Variants in ITPR2 observed in about 807,000 individuals in gnomAD.
The protein encoded by ITPR2 is inositol 1,4,5-trisphosphate receptor type 2, also known as inositol 1,4,5-trisphosphate-gated calcium channel ITPR2.
A neutral mutation model predicts 317.1 loss-of-function variants in ITPR2; 207 were observed. That is an observed-to-expected ratio of 0.65 (90% CI 0.58 to 0.73). The LOEUF is 0.73. Ranked by LOEUF, ITPR2 falls within the 30% of genes least tolerant of loss-of-function variation. The probability of loss-of-function intolerance (pLI) is 0.00; values close to 1 mark genes in which losing one functional copy is unlikely to be tolerated. For synonymous variants in ITPR2, 1,156 were observed against 1,149.1 expected (o/e 1.01, Z -0.12); for missense variants, 2,613 against 3,284.0 (o/e 0.80, Z 4.99).
At chr12:26,458,093 T>C (rs1420584915) in intron 45 of ITPR2, among the ~76,000 whole-genome samples, 5 of 152,196 alleles carry the variant, frequency 3.3e-5, no homozygotes, top group African/African-American at 1.2e-4. Flanking sequence ...CCTTTCAGTA[T>C]AATTAATCAT....
At chr12:26,587,922 CA>C (rs561535586) in intron 32 of ITPR2, among the ~76,000 whole-genome samples, 32 of 152,236 alleles carry the variant, frequency 2.1e-4, no homozygotes, top group Middle Eastern at 3.4e-3. Flanking sequence ...CAGGAGTAGT[CA>C]AATTTGGAAT....
intron 5 of ITPR2, among the ~76,000 whole-genome samples, chr12:26,719,917 C>T (rs796641116): frequency 6.6e-6 from 1 of 151,920 alleles, no homozygotes; most frequent in African/African-American, 2.4e-5. Context: ...AAGTAAAGAA[C>T]CCAAGTTTTC....
intron 15 of ITPR2, among the ~76,000 whole-genome samples, chr12:26,662,060 C>T (rs1274502339): frequency 6.6e-6 from 1 of 152,170 alleles, no homozygotes; most frequent in African/African-American, 2.4e-5. Flanking sequence ...TATATCACCC[C>T]TAGCTCTTAC....
At chr12:26,416,122 A>G (rs1940713144) in intron 50 of ITPR2, among the ~76,000 whole-genome samples, 1 of 152,204 alleles carries the variant, frequency 6.6e-6, no homozygotes, top group African/African-American at 2.4e-5. Context: ...ACTTTAGTAT[A>G]TACTTTTGGA....
chr12:26,711,447 TTA>T (rs1355898350), intron 8 of ITPR2, among the ~76,000 whole-genome samples, 179 bp from the exon 9 acceptor site: 1 of 152,220 alleles, frequency 6.6e-6, no homozygotes, highest in African/African-American at 2.4e-5. Flanking sequence ...AAGAGAAATG[TTA>T]TAACAGTTGT....
chr12:26,822,305 G>T (rs933396632), intron 1 of ITPR2, among the ~76,000 whole-genome samples: 2 of 152,078 alleles, frequency 1.3e-5, no homozygotes, highest in African/African-American at 4.8e-5. Context: ...TTCAGATTAT[G>T]CATTGTTCAC....
chr12:26,734,802 A>G (rs2137069371), intron 2 of ITPR2, among the ~76,000 whole-genome samples: 1 of 152,298 alleles, frequency 6.6e-6, no homozygotes, highest in South Asian at 2.1e-4. Flanking sequence ...CTCCGTAAGC[A>G]GAGATTTATT....
At chr12:26,787,578 A>G (rs375191471) in intron 2 of ITPR2, among the ~76,000 whole-genome samples, 3 of 152,368 alleles carry the variant, frequency 2.0e-5, no homozygotes, top group East Asian at 3.9e-4. Flanking sequence ...GAAAGAGGGA[A>G]AGAGGAAAGG....
chr12:26,780,572 T>C (rs1313480255), intron 2 of ITPR2, among the ~76,000 whole-genome samples: 1 of 152,168 alleles, frequency 6.6e-6, no homozygotes, highest in Non-Finnish European at 1.5e-5. Context: ...GACAGAACAG[T>C]GGAATGGCCT....
chr12:26,383,729 C>T lies in ITPR2; in HGVS notation c.7857+3705G>A, dbSNP rs191557915. ...GCCAGGATGGTCTCAATCTCCTGACCTCATGATCTTCCCGCCTCAGTCTCC... is the reference window on the plus strand; with the variant it reads ...GCCAGGATGGTCTCAATCTCCTGACTTCATGATCTTCCCGCCTCAGTCTCC... On this transcript the variant is annotated intron_variant, in intron 55 of 56. Transcript: ENST00000381340. Among the ~76,000 whole-genome samples, 824 of 151,528 alleles carry T rather than the reference C, an allele frequency of 5.4e-3. 10 individuals are homozygous for T. Among genetic ancestry groups the T allele is most frequent in the African/African-American group, 0.019 (782 of 41,252 alleles).
chr12:26,533,560 T>C (rs181576545), intron 37 of ITPR2, among the ~76,000 whole-genome samples: 13 of 152,326 alleles, frequency 8.5e-5, no homozygotes, highest in African/African-American at 3.1e-4. Context: ...AATATAACCA[T>C]ATTCAGAAAT....
At chr12:26,485,973 G>A in intron 41 of ITPR2, 131 bp downstream of exon 41, 1 of 966,488 alleles carries the variant, frequency 1.0e-6, no homozygotes, top group Non-Finnish European at 1.6e-6. Context: ...TCCCATTTCA[G>A]AGGAGCACTA....
In ITPR2 at chr12:26,828,342, T is replaced by C. The variant is rs568813103; in HGVS notation, c.92+4348A>G. On this transcript the variant is annotated intron_variant, in intron 1 of 56. Coordinates refer to ENST00000381340, the MANE Select transcript of ITPR2 (RefSeq NM_002223.4). ...TGCAAAATAAAATATCTACCAATTG[T>C]ACTCCGAGGTAAAAAATAGGGAGTG... 5.9e-5 allele frequency among the ~76,000 whole-genome samples: 9 copies of C among 152,320 alleles called. No homozygotes were observed. In the East Asian group the frequency reaches 1.7e-3, roughly 29 times the overall value.
chr12:26,537,182 T>C (rs1490903158), intron 37 of ITPR2, among the ~76,000 whole-genome samples: 2 of 152,014 alleles, frequency 1.3e-5, no homozygotes, highest in Non-Finnish European at 2.9e-5. Context: ...ATAGGAAGGG[T>C]TTGGTCTGTA....
chr12:26,806,931 TA>T (rs1950647429), intron 1 of ITPR2, among the ~76,000 whole-genome samples: 1 of 152,222 alleles, frequency 6.6e-6, no homozygotes, highest in African/African-American at 2.4e-5. Context: ...ATTTCACAAA[TA>T]TTATACAAAG....
intron 49 of ITPR2, among the ~76,000 whole-genome samples, chr12:26,426,707 G>T (rs879407842): frequency 9.2e-5 from 14 of 151,856 alleles, no homozygotes; most frequent in Middle Eastern, 3.2e-3. Context: ...TCTAATTTTC[G>T]AAGAATTGTA....
chr12:26,514,467 T>C (rs1200537213), intron 37 of ITPR2, among the ~76,000 whole-genome samples: 2 of 152,238 alleles, frequency 1.3e-5, no homozygotes, highest in African/African-American at 4.8e-5. Context: ...CAAGAAGTGA[T>C]GATAATTATT....
At chr12:26,599,084 A>G in intron 30 of ITPR2, 61 bp downstream of exon 30, 1 of 1,452,578 alleles carries the variant, frequency 6.9e-7, no homozygotes, top group Non-Finnish European at 9.7e-7. Flanking sequence ...ACTGTAATAG[A>G]AAATGCATAT....
intron 13 of ITPR2, among the ~76,000 whole-genome samples, chr12:26,679,682 T>C (rs1177445919): frequency 6.6e-6 from 1 of 152,196 alleles, no homozygotes; most frequent in African/African-American, 2.4e-5. Flanking sequence ...GTTTTCTTTT[T>C]TATTTTTATT....
Sources: gnomAD v4.1 joint callset for allele counts (sites outside exome capture counted in the v4.1 genomes callset) on GRCh38, gnomAD v4.1.1 for gene constraint, MANE v1.5 for transcripts, NCBI Gene and HGNC (gene_info 2026-07-23, HGNC 2026-07-21) for gene names.